The following GVQW3 variants were observed in gnomAD, a reference collection of about 807,000 sequenced individuals.
GVQW3 encodes protein GVQW3.
GVQW3 carries 7 observed loss-of-function variants against 12.5 expected under a neutral mutation model. That is an observed-to-expected ratio of 0.56 (90% CI 0.32 to 1.05). The LOEUF is 1.05. Among genes scored for constraint, GVQW3 ranks in the 50% least tolerant of loss-of-function variants. The probability of loss-of-function intolerance (pLI) is 0.04; values close to 1 mark genes in which losing one functional copy is unlikely to be tolerated. For synonymous variants in GVQW3, 71 were observed against 67.2 expected (o/e 1.06, Z -0.28); for missense variants, 188 against 190.8 (o/e 0.99, Z 0.09).
In GVQW3 at chr11:76,407,406, T is replaced by G. The variant is rs10793159; in HGVS notation, c.*3648T>G. 0.38 allele frequency: 57,830 copies of G among 151,306 alleles called. 11,693 individuals carry two copies. The highest frequency in any genetic ancestry group is 0.5 in the African/African-American group (20,703 of 41,190). 9.4% of individuals were successfully genotyped at this position (151,306 alleles called of 1,614,324 possible). On this transcript the variant is annotated 3_prime_UTR_variant, in exon 2 of 2. Coordinates refer to ENST00000529331, the MANE Select transcript of GVQW3 (RefSeq NM_001347885.2). ...AGCCTGGTCAACATGGTGAAACCCC[T>G]TCTCTACTAAAAATACAAAAATTAG... is the stretch of plus-strand genomic sequence containing the variant.
chr11:76,404,253 A>G lies in GVQW3; in HGVS notation c.*495A>G, dbSNP rs1212453631. ...ATAACTCACTACCTTTGGACCAGCC[A>G]TCTCCATTTTATAAATAAGAAAACT... is the stretch of plus-strand genomic sequence containing the variant. On this transcript the variant is annotated 3_prime_UTR_variant, in exon 2 of 2. Coordinates refer to ENST00000529331, the MANE Select transcript of GVQW3 (RefSeq NM_001347885.2). 2 of 355,300 alleles carry G rather than the reference A, an allele frequency of 5.6e-6. No individual in the cohort carries two copies. The highest frequency in any genetic ancestry group is 1.0e-5 in the Non-Finnish European group (2 of 199,160). The allele number at this position is 355,300 out of a possible 1,614,324, so 22.0% of individuals were successfully genotyped here.
chr11:76,401,868 A>C (rs1326827156), intron 1 of GVQW3, among the ~76,000 whole-genome samples: 1 of 152,066 alleles, frequency 6.6e-6, no homozygotes, highest in African/African-American at 2.4e-5. Context: ...CAAACTCCCC[A>C]TCTTGCATGT....
chr11:76,411,021 A>C (rs1947075823), downstream of GVQW3: 1 of 152,224 alleles, frequency 6.6e-6, no homozygotes, highest in African/African-American at 2.4e-5. Flanking sequence ...GCAATTAATC[A>C]AAACCAATTT....
rs1039236922 is a variant in GVQW3, at chr11:76,382,254, A to G, written c.426A>G (p.Ser142=). 12 of 1,535,162 alleles carry G rather than the reference A, an allele frequency of 7.8e-6. No homozygotes were observed. The Admixed American group carries it at 1.2e-4, about 15-fold the overall frequency. The change falls in exon 1 of 2, where the codon TCA becomes TCG. Residue 142 remains serine (S), a synonymous_variant. Transcript: ENST00000529331. Reference sequence around the variant, plus strand: ...AACTTGACTTTCGGTCCGATCTTTCAAAGGAAACTAGGAAAAATAGCTCAT... The same window carrying G: ...AACTTGACTTTCGGTCCGATCTTTCGAAGGAAACTAGGAAAAATAGCTCAT... The part of the protein sequence containing the change: ...PRKLDFRSDL[S]KETRKNSSCL...
At chr11:76,411,026 C>T (rs1947075883), downstream of GVQW3, 1 of 152,216 alleles carries the variant, frequency 6.6e-6, no homozygotes, top group Non-Finnish European at 1.5e-5. Context: ...TAATCAAAAC[C>T]AATTTGGAAG....
intron 1 of GVQW3, among the ~76,000 whole-genome samples, chr11:76,401,599 C>G (rs979315864): frequency 2.0e-5 from 3 of 151,726 alleles, no homozygotes; most frequent in African/African-American, 4.8e-5. Context: ...ATGGTGAAAC[C>G]TCGTCTCTAC....
At chr11:76,382,388 G>T in intron 1 of GVQW3, 95 bp downstream of exon 1, 1 of 820,136 alleles carries the variant, frequency 1.2e-6, no homozygotes, top group Non-Finnish European at 2.0e-6. Context: ...TACTCTGCCA[G>T]TCAGCTTCTG....
chr11:76,384,440 A>G (rs1380315788), intron 1 of GVQW3, among the ~76,000 whole-genome samples: 1 of 152,194 alleles, frequency 6.6e-6, no homozygotes, highest in Non-Finnish European at 1.5e-5. Context: ...CTCCTGACTC[A>G]GCCTCCTGAG....
chr11:76,393,941 C>T (rs988516232), intron 1 of GVQW3, among the ~76,000 whole-genome samples: 1 of 152,006 alleles, frequency 6.6e-6, no homozygotes, highest in East Asian at 1.9e-4. Flanking sequence ...CTCTGTCACC[C>T]AGGCTGGAGT....
intron 1 of GVQW3, among the ~76,000 whole-genome samples, chr11:76,396,589 A>T (rs2134553105): frequency 6.6e-6 from 1 of 152,332 alleles, no homozygotes; most frequent in South Asian, 2.1e-4. Flanking sequence ...TGCTGAGATT[A>T]CAGGCATGAG....
At chr11:76,387,158 G>A (rs545683934) in intron 1 of GVQW3, among the ~76,000 whole-genome samples, 43 of 152,072 alleles carry the variant, frequency 2.8e-4, no homozygotes, top group Non-Finnish European at 4.9e-4. Context: ...AAAAGAGGCC[G>A]GGCACGGTGG....
chr11:76,398,065 G>C (rs1298934439), intron 1 of GVQW3, among the ~76,000 whole-genome samples: 2 of 150,798 alleles, frequency 1.3e-5, no homozygotes, highest in Non-Finnish European at 2.9e-5. Flanking sequence ...AACCCAGGAG[G>C]CAGAGGTTGT....
chr11:76,388,879 G>A (rs945538642), intron 1 of GVQW3, among the ~76,000 whole-genome samples: 1 of 152,092 alleles, frequency 6.6e-6, no homozygotes, highest in African/African-American at 2.4e-5. Flanking sequence ...ATCTATATTG[G>A]CAGAAAAACA....
chr11:76,397,314 C>T (rs1946948380), intron 1 of GVQW3, among the ~76,000 whole-genome samples: 1 of 141,356 alleles, frequency 7.1e-6, no homozygotes, highest in Non-Finnish European at 1.5e-5. Context: ...TTCATTCCTT[C>T]TTATGGCTGA....
At chr11:76,392,696 G>A (rs1263045028) in intron 1 of GVQW3, 2 of 152,190 alleles carry the variant, frequency 1.3e-5, no homozygotes, top group East Asian at 1.9e-4. Context: ...CATAGAAAGT[G>A]GTGCAGAGGG....
At chr11:76,390,925 CACA>C (rs1477712602) in intron 1 of GVQW3, among the ~76,000 whole-genome samples, 3 of 152,044 alleles carry the variant, frequency 2.0e-5, no homozygotes, top group Non-Finnish European at 4.4e-5. Flanking sequence ...AGGCACACAG[CACA>C]ACACCTGGCA....
chr11:76,390,317 T>A (rs1946879335), intron 1 of GVQW3, among the ~76,000 whole-genome samples: 1 of 152,204 alleles, frequency 6.6e-6, no homozygotes, highest in African/African-American at 2.4e-5. Flanking sequence ...ACTAGCTATG[T>A]GACTTTGGGC....
chr11:76,389,215 A>T (rs1946867222), intron 1 of GVQW3, among the ~76,000 whole-genome samples: 1 of 152,262 alleles, frequency 6.6e-6, no homozygotes, highest in Admixed American at 6.5e-5. Flanking sequence ...ACAAAATTGT[A>T]TGTATAAATC....
intron 1 of GVQW3, among the ~76,000 whole-genome samples, chr11:76,389,244 AAG>A (rs1946867560): frequency 6.6e-6 from 1 of 152,246 alleles, no homozygotes; most frequent in Non-Finnish European, 1.5e-5. Flanking sequence ...GACTTTTAAA[AAG>A]ATGGAAAGGA....
Sources: allele counts gnomAD v4.1 joint callset (sites outside exome capture counted in the v4.1 genomes callset), GRCh38; gene constraint gnomAD v4.1.1; transcripts MANE v1.5; gene names NCBI Gene and HGNC (gene_info 2026-07-23, HGNC 2026-07-21).